Variants in IRS1 observed in about 807,000 individuals in gnomAD.
IRS1 encodes the protein insulin receptor substrate 1.
A neutral mutation model predicts 65.6 loss-of-function variants in IRS1; 34 were observed. The observed-to-expected ratio is 0.52, with a 90% CI of 0.39 to 0.69. The LOEUF is 0.69. Ranked by LOEUF, IRS1 falls within the 30% of genes least tolerant of loss-of-function variation. The probability of loss-of-function intolerance (pLI) is 0.00; values close to 1 mark genes in which losing one functional copy is unlikely to be tolerated. For synonymous variants in IRS1, 699 were observed against 683.5 expected, an observed-to-expected ratio of 1.02 and a Z score of -0.35; for missense variants, 1,641 against 1,720.2, an observed-to-expected ratio of 0.95 and a Z score of 0.81.
rs1477252337 is a variant in IRS1, at chr2:226,797,526, C to G, written c.1213G>C (p.Asp405His). 6.2e-7 allele frequency: 1 copy of G among 1,611,298 alleles called. No individual in the cohort carries two copies. The highest frequency in any genetic ancestry group is 8.5e-7 in the Non-Finnish European group (1 of 1,179,258). Reference protein sequence around the residue: ...SSTSGHGSTSDCLFPRRSSAS... With the variant: ...SSTSGHGSTSHCLFPRRSSAS... ...CTAGATCGCCGTGGGAAGAGACAAT[C>G]CGAGGTGGAGCCATGGCCACTGGTG... The change falls in exon 1 of 2, where the codon GAT becomes CAT. Residue 405 changes from aspartate to histidine, a missense_variant. This residue lies in a region of IRS1 where 1,324 missense variants were observed against 1,361.0 expected (regional missense o/e 0.97). Coordinates refer to ENST00000305123, the MANE Select transcript of IRS1 (RefSeq NM_005544.3). This position sits in a 1 kb window ranked among gnomAD's most constrained non-coding sequence, Gnocchi z 8.1.
intron 1 of IRS1, among the ~76,000 whole-genome samples, chr2:226,778,905 T>C (rs1484895545): frequency 6.6e-6 from 1 of 152,246 alleles, no homozygotes; most frequent in Admixed American, 6.5e-5. Context: ...TAATTTGCCC[T>C]ATTACATCAC....
intron 1 of IRS1, among the ~76,000 whole-genome samples, chr2:226,784,253 A>G (rs1243057013): frequency 6.6e-6 from 1 of 152,200 alleles, no homozygotes; most frequent in African/African-American, 2.4e-5. Context: ...ACTCTTTAAC[A>G]GCTTTTTAAA....
intron 1 of IRS1, among the ~76,000 whole-genome samples, chr2:226,764,776 C>T (rs918086230): frequency 6.6e-6 from 1 of 152,184 alleles, no homozygotes; most frequent in African/African-American, 2.4e-5. Context: ...TTGCCGTCGT[C>T]AAGGTTTGAT....
intron 1 of IRS1, among the ~76,000 whole-genome samples, chr2:226,780,863 G>A (rs888508609): frequency 6.6e-6 from 1 of 152,140 alleles, no homozygotes; most frequent in Non-Finnish European, 1.5e-5. Context: ...CCACATTATT[G>A]TTCTTGTTTG....
chr2:226,766,012 G>A lies in IRS1; in HGVS notation c.*21+28977C>T, dbSNP rs1187817118. On this transcript the variant is annotated intron_variant, in intron 1 of 1. Transcript: ENST00000305123. Reference sequence around the variant, plus strand: ...TGTTTTTGGATTACTTTTCCTTCACGTTTCAACTTCGACTTCTTGTTTGGT... The same window carrying A: ...TGTTTTTGGATTACTTTTCCTTCACATTTCAACTTCGACTTCTTGTTTGGT... Among the ~76,000 whole-genome samples, 13 of 147,644 alleles carry A rather than the reference G, an allele frequency of 8.8e-5. No homozygotes were observed. In the East Asian group the frequency reaches 1.8e-3, roughly 20 times the overall value.
At position 226,796,148 on chromosome 2, in the gene IRS1, C is replaced by T. The variant is rs775015069; in HGVS notation, c.2591G>A (p.Gly864Glu). 5.6e-6 allele frequency: 9 copies of T among 1,613,584 alleles called. No individual in the cohort carries two copies. The South Asian group carries it at 8.8e-5, about 16-fold the overall frequency. ...AGGTAAGGTGCTGGCCTTGGGATCC[C>T]CCAGGGACAGCCTCGTGGGCCGGGC... ...RLARPTRLSL[G>E]DPKASTLPRA... is the part of the protein sequence containing the mutation. Residue 864 changes from glycine (G) to glutamate (E), a missense_variant, in exon 1 of 2, where the codon GGG becomes GAG. Around this residue, in one of 3 missense-constraint regions of IRS1, gnomAD observed 1,324 missense variants for 1,361.0 expected, o/e 0.97. Coordinates refer to ENST00000305123, the MANE Select transcript of IRS1 (RefSeq NM_005544.3).
chr2:226,751,409 G>T (rs892606174), intron 1 of IRS1, among the ~76,000 whole-genome samples: 4 of 148,248 alleles, frequency 2.7e-5, no homozygotes, highest in African/African-American at 7.5e-5. Context: ...TCAGCCTCCC[G>T]AGTAGCTGGG....
Position 226,797,637 on chromosome 2 carries a change from G to C in IRS1, c.1102C>G (p.Pro368Ala), listed in dbSNP as rs13306466. 1.4e-5 allele frequency: 23 copies of C among 1,590,586 alleles called. No individual in the cohort carries two copies. The East Asian group carries it at 4.5e-4, about 31-fold the overall frequency. Reference sequence around the variant, plus strand: ...GGGATGGAGCGGCTGTGGTTGAGCGGGGGGTGCAGCCGGGCGCTGCCCCGA... The same window carrying C: ...GGGATGGAGCGGCTGTGGTTGAGCGCGGGGTGCAGCCGGGCGCTGCCCCGA... ...RHRGSARLHP[P>A]LNHSRSIPMP... is the part of the protein sequence containing the mutation. The change falls in exon 1 of 2, where the codon CCG becomes GCG. Residue 368 changes from proline (P) to alanine (A), a missense_variant. Physicochemically the swap from Pro to Ala is conservative, Grantham distance 27 (BLOSUM62 -1). Transcript: ENST00000305123. The surrounding 1 kb of genome is among the most constrained non-coding windows in gnomAD (Gnocchi z 8.1).
At chr2:226,754,368 A>G (rs1559149393) in intron 1 of IRS1, among the ~76,000 whole-genome samples, 1 of 152,208 alleles carries the variant, frequency 6.6e-6, no homozygotes. Flanking sequence ...CATACACAGT[A>G]ATTTAGAATC....
chr2:226,787,850 A>C (rs1432803189), intron 1 of IRS1, among the ~76,000 whole-genome samples: 1 of 152,210 alleles, frequency 6.6e-6, no homozygotes, highest in African/African-American at 2.4e-5. Context: ...GATAAATTAT[A>C]GTTGACTACT....
chr2:226,743,614 T>G lies in IRS1; in HGVS notation c.*22-7364A>C, dbSNP rs541587810. Among the ~76,000 whole-genome samples, 18 of 152,346 alleles carry G rather than the reference T, an allele frequency of 1.2e-4. No homozygotes were observed. In the South Asian group the frequency reaches 3.7e-3, roughly 32 times the overall value. On this transcript the variant is annotated intron_variant, in intron 1 of 1. Coordinates refer to ENST00000305123, the MANE Select transcript of IRS1 (RefSeq NM_005544.3). ...GGTAATATGACAGAATATTCCCTAC[T>G]AAGTGAGAATGTCATACGAATGTCT...
Position 226,797,116 on chromosome 2 carries a change from G to A in IRS1, c.1623C>T (p.Ser541=). ...SPTITHQKTP[S]QSSVASIEEY... ...CCTCAATGGAAGCCACTGAGGACTG[G>A]GACGGGGTCTTCTGGTGGGTAATGG... is the stretch of plus-strand genomic sequence containing the variant. Residue 541 remains serine (S), a synonymous_variant, in exon 1 of 2, where the codon TCC becomes TCT. Coordinates refer to ENST00000305123, the MANE Select transcript of IRS1 (RefSeq NM_005544.3). This position sits in a 1 kb window ranked among gnomAD's most constrained non-coding sequence, Gnocchi z 8.1. 1 of 1,613,792 alleles carries A rather than the reference G, an allele frequency of 6.2e-7. No individual in the cohort carries two copies. Among genetic ancestry groups the A allele is most frequent in the East Asian group, 2.2e-5 (1 of 44,872 alleles).
intron 1 of IRS1, among the ~76,000 whole-genome samples, chr2:226,766,246 C>A (rs4261709): frequency 0.063 from 8,830 of 141,132 alleles, 480 homozygotes; most frequent in African/African-American, 0.14. Context: ...TCACTGCAAT[C>A]TCTGCCTCCA....
intron 1 of IRS1, among the ~76,000 whole-genome samples, chr2:226,785,895 C>A (rs1451165386): frequency 2.3e-5 from 3 of 128,106 alleles, no homozygotes; most frequent in Non-Finnish European, 4.8e-5. Context: ...CCTCCCCCCT[C>A]CCCCTACCCC....
In IRS1 at chr2:226,731,692, A is replaced by G. The variant is rs1938223643; in HGVS notation, c.*4580T>C. ...GGCAGCACCACCATCTTAAGATGAT[A>G]AACCAAACTGCACATACATTAAATG... is the stretch of plus-strand genomic sequence containing the variant. On this transcript the variant is annotated 3_prime_UTR_variant, in exon 2 of 2. Transcript: ENST00000305123. The G allele has an allele frequency of 6.6e-6, 1 of 152,228 alleles. No homozygotes were observed. Among genetic ancestry groups the G allele is most frequent in the Non-Finnish European group, 1.5e-5 (1 of 68,046 alleles). The allele number at this position is 152,228 out of a possible 1,614,324, so 9.4% of individuals were successfully genotyped here. A position where few individuals can be genotyped will look rare whatever the true frequency, so the allele number is the denominator to read the frequency against.
intron 1 of IRS1, among the ~76,000 whole-genome samples, chr2:226,768,697 C>T (rs534223815): frequency 1.2e-3 from 188 of 152,268 alleles, no homozygotes; most frequent in African/African-American, 3.5e-3. Flanking sequence ...CTTGTAGTGG[C>T]GCTATCTCGG....
intron 1 of IRS1, among the ~76,000 whole-genome samples, chr2:226,738,251 C>T (rs1039856616): frequency 8.5e-5 from 13 of 152,138 alleles, no homozygotes; most frequent in Non-Finnish European, 1.5e-4. Context: ...AAAGCAATTG[C>T]GGTTTTTGCC....
intron 1 of IRS1, among the ~76,000 whole-genome samples, chr2:226,759,776 A>G (rs1457611424): frequency 6.6e-6 from 1 of 152,232 alleles, no homozygotes; most frequent in Non-Finnish European, 1.5e-5. Context: ...ATCAGAAGTC[A>G]CAATAAAATG....
chr2:226,745,984 TACA>T (rs1938533847), intron 1 of IRS1, among the ~76,000 whole-genome samples: 1 of 152,168 alleles, frequency 6.6e-6, no homozygotes, highest in Admixed American at 6.5e-5. Flanking sequence ...TGATATGTAA[TACA>T]ACGTTATACA....
Sources: allele counts gnomAD v4.1 joint callset (sites outside exome capture counted in the v4.1 genomes callset), GRCh38; gene constraint gnomAD v4.1.1; regional missense constraint gnomAD v4.1.1; non-coding constraint Gnocchi (gnomAD v3.1); transcripts MANE v1.5; gene names NCBI Gene and HGNC (gene_info 2026-07-23, HGNC 2026-07-21).